DNAH17: variants seen among roughly 807,000 people sequenced by gnomAD.
DNAH17 encodes dynein axonemal heavy chain 17, also known as axonemal beta dynein heavy chain 17.
Under a neutral mutation model 485.6 loss-of-function variants are expected in DNAH17, and 376 were observed. That is an observed-to-expected ratio of 0.77 (90% confidence interval 0.71 to 0.84). DNAH17 has a LOEUF of 0.84. Among genes scored for constraint, DNAH17 ranks in the 40% least tolerant of loss-of-function variants. The pLI, the probability that DNAH17 is intolerant of heterozygous loss-of-function variation, is 0.00. For missense variants in DNAH17, 6,370 were observed against 5,839.3 expected (o/e 1.09, Z -2.96); for synonymous variants, 3,031 against 2,405.9 (o/e 1.26, Z -7.60).
At chr17:78,455,085 G>A (rs1260198029) in intron 63 of DNAH17, among the ~76,000 whole-genome samples, 1 of 152,116 alleles carries the variant, frequency 6.6e-6, no homozygotes, top group East Asian at 1.9e-4. Context: ...AATTTTCGTA[G>A]TTTTAGTAGA....
intron 57 of DNAH17, 143 bp from the exon 58 acceptor site, chr17:78,461,851 G>T: frequency 1.4e-6 from 1 of 730,210 alleles, no homozygotes; most frequent in Non-Finnish European, 2.2e-6. Context: ...TCGTTTTGGA[G>T]AGTCTTTTCA....
intron 56 of DNAH17, among the ~76,000 whole-genome samples, chr17:78,464,695 C>T (rs924407874): frequency 1.3e-5 from 2 of 152,210 alleles, no homozygotes; most frequent in African/African-American, 2.4e-5. Context: ...GCCAAGTGCT[C>T]GAGGCAAGGC....
intron 26 of DNAH17, among the ~76,000 whole-genome samples, chr17:78,513,108 C>G (rs1330404629): frequency 2.6e-5 from 4 of 152,080 alleles, no homozygotes; most frequent in Non-Finnish European, 5.9e-5. Context: ...TGAACCCCCC[C>G]TCTGCTAGGG....
At chr17:78,570,497 G>A (rs2092336254) in intron 6 of DNAH17, 125 bp from the exon 7 acceptor site, 9 of 1,262,544 alleles carry the variant, frequency 7.1e-6, no homozygotes, top group Middle Eastern at 5.6e-4. Context: ...AAGAGGAGGG[G>A]AGAGGCAACT....
intron 76 of DNAH17, 36 bp from the exon 77 acceptor site, chr17:78,428,743 CTG>C: frequency 1.2e-6 from 2 of 1,609,708 alleles, no homozygotes; most frequent in South Asian, 1.1e-5. Flanking sequence ...AGAGGCAAAG[CTG>C]TGCAGGCTGA....
In DNAH17 at chr17:78,437,734, G is replaced by C; in HGVS notation, c.11940C>G (p.Pro3980=). The C allele has an allele frequency of 6.2e-7, 1 of 1,612,636 alleles. No individual in the cohort carries two copies. ...PAPSPETHII[P]QGILENAIKI... is the part of the protein sequence containing the mutation. ...TGATGGCGTTCTCCAGAATGCCCTG[G>C]GGGATGATGTGGGTCTCGGGGCTGG... is the stretch of plus-strand genomic sequence containing the variant. The change falls in exon 74 of 81, where the codon CCC becomes CCG. Residue 3980 remains proline (P), a synonymous_variant. Coordinates refer to ENST00000389840, the MANE Select transcript of DNAH17 (RefSeq NM_173628.4).
chr17:78,483,742 G>A (rs564615673), intron 48 of DNAH17, among the ~76,000 whole-genome samples: 3 of 152,304 alleles, frequency 2.0e-5, no homozygotes, highest in African/African-American at 7.2e-5. Flanking sequence ...ATGAGGCCAG[G>A]CTTCATGAAC....
In DNAH17 at chr17:78,427,128, C is replaced by T; in HGVS notation, c.12589-20G>A. On this transcript the variant is annotated intron_variant, in intron 77 of 80. Transcript: ENST00000389840. The stretch of plus-strand genomic sequence containing the variant: ...CTTCACCTGGAAGCCAGTCCCCGGA[C>T]AGCCCCTGTCACTGCAAAGAGCCCA... 1 of 1,558,416 alleles carries T rather than the reference C, an allele frequency of 6.4e-7. No individual in the cohort carries two copies. The highest frequency in any genetic ancestry group is 8.7e-7 in the Non-Finnish European group (1 of 1,151,368).
Position 78,423,961 on chromosome 17 carries a change from T to C in DNAH17, c.13334A>G (p.Lys4445Arg). ...CAGGATCCACTTCGCTGCCTTCTCT[T>C]TGGTCTTCAAGTTAAAGGTCCAGAC... ...TYVWTFNLKT[K>R]EKAAKWILAA... Residue 4445 changes from lysine (K) to arginine (R), a missense_variant, in exon 81 of 81, where the codon AAA becomes AGA. Physicochemically the swap from Lys to Arg is conservative, Grantham distance 26. Coordinates refer to ENST00000389840, the MANE Select transcript of DNAH17 (RefSeq NM_173628.4). The C allele has an allele frequency of 6.2e-7, 1 of 1,613,962 alleles. No individual in the cohort carries two copies. Among genetic ancestry groups the C allele is most frequent in the Non-Finnish European group, 8.5e-7 (1 of 1,179,864 alleles).
chr17:78,498,915 G>A, intron 37 of DNAH17, 93 bp downstream of exon 37: 1 of 982,108 alleles, frequency 1.0e-6, no homozygotes, highest in Non-Finnish European at 1.5e-6. Context: ...GTTGCAGAGA[G>A]GCAAGGAGGG....
Position 78,563,380 on chromosome 17 carries a change from G to C in DNAH17, c.1570-1400C>G, listed in dbSNP as rs117162563. On this transcript the variant is annotated intron_variant, in intron 11 of 80. Transcript: ENST00000389840. Reference sequence around the variant, plus strand: ...AGGTCACCAGTTTCATTTGTTCAAAGCATTGACATGGGGCAGTTGGAAAAA... The same window carrying C: ...AGGTCACCAGTTTCATTTGTTCAAACCATTGACATGGGGCAGTTGGAAAAA... Among the ~76,000 whole-genome samples the C allele has an allele frequency of 6.8e-3, 1,033 of 151,846 alleles. 3 individuals carry two copies. Among genetic ancestry groups the C allele is most frequent in the Non-Finnish European group, 0.011 (752 of 68,002 alleles).
chr17:78,495,749 T>A, intron 38 of DNAH17, 126 bp downstream of exon 38: 1 of 1,203,364 alleles, frequency 8.3e-7, no homozygotes, highest in Non-Finnish European at 1.1e-6. Flanking sequence ...TCTTGGGAGC[T>A]TTTGATGACT....
At chr17:78,477,495 G>T (rs1397331072) in intron 51 of DNAH17, among the ~76,000 whole-genome samples, 2 of 152,098 alleles carry the variant, frequency 1.3e-5, no homozygotes, top group African/African-American at 4.8e-5. Context: ...TCTCACATCA[G>T]CCTCCCGAGT....
chr17:78,505,196 T>TG, intron 31 of DNAH17, 97 bp downstream of exon 31: 1 of 1,508,926 alleles, frequency 6.6e-7, no homozygotes, highest in Admixed American at 1.9e-5. Context: ...CTGCACAGGG[T>TG]GCTGGTTCTC....
chr17:78,520,293 C>T (rs1448763042), intron 25 of DNAH17, among the ~76,000 whole-genome samples: 1 of 152,144 alleles, frequency 6.6e-6, no homozygotes, highest in Non-Finnish European at 1.5e-5. Context: ...AAGTGGTTTT[C>T]CTCTTAGATT....
In DNAH17 at chr17:78,514,887, C is replaced by G. The variant is rs143872440; in HGVS notation, c.4000G>C (p.Val1334Leu). 6.2e-6 allele frequency: 10 copies of G among 1,614,048 alleles called. No homozygotes were observed. Among genetic ancestry groups the G allele is most frequent in the Non-Finnish European group, 8.5e-6 (10 of 1,179,894 alleles). The change falls in exon 26 of 81, where the codon GTG becomes CTG. Residue 1334 changes from valine to leucine, a missense_variant. Transcript: ENST00000389840. ...TTTTTCACGGTGTTGTCGAGCCCCA[C>G]GAAGGCATCCCAGGTTTTCATCTCC... ...DKEMKTWDAF[V>L]GLDNTVKNVI...
intron 62 of DNAH17, among the ~76,000 whole-genome samples, chr17:78,456,067 G>A (rs531361375): frequency 6.6e-6 from 1 of 152,292 alleles, no homozygotes; most frequent in African/African-American, 2.4e-5. Context: ...GGGAGGCTGA[G>A]GCGGGTGGAT....
rs2088008887 is a variant in DNAH17 at position 78,459,882 on chromosome 17, C to G, written c.9555G>C (p.Lys3185Asn). The G allele has an allele frequency of 9.3e-6, 15 of 1,613,940 alleles. 1 individual carries two copies. The Admixed American group carries it at 2.2e-4, about 23-fold the overall frequency. The change falls in exon 60 of 81, where the codon AAG becomes AAC. Residue 3185 changes from lysine (K) to asparagine (N), a missense_variant. Transcript: ENST00000389840. Reference protein sequence around the residue: ...GGKIPKDKSWKAAKIMMGKVD... With the variant: ...GGKIPKDKSWNAAKIMMGKVD... ...CCTTGCCCATCATGATCTTGGCCGC[C>G]TTCCAGCTCTTGTCCTTGGGGATCT...
At chr17:78,532,882 G>A in intron 19 of DNAH17, 146 bp from the exon 20 acceptor site, 1 of 1,016,986 alleles carries the variant, frequency 9.8e-7, no homozygotes, top group African/African-American at 1.6e-5. Flanking sequence ...TTCCAGCCTG[G>A]GCCGATCACC....
Sources: gnomAD v4.1 joint callset for allele counts (sites outside exome capture counted in the v4.1 genomes callset) on GRCh38, gnomAD v4.1.1 for gene constraint, MANE v1.5 for transcripts, NCBI Gene and HGNC (gene_info 2026-07-23, HGNC 2026-07-21) for gene names.